Variants in DYSF observed in about 807,000 individuals in gnomAD.
DYSF encodes dysferlin.
In DYSF, 212 loss-of-function variants were observed where a neutral mutation model predicts 274.9. That is an observed-to-expected ratio of 0.77 (90% CI 0.69 to 0.86). The LOEUF (loss-of-function observed/expected upper bound fraction) is 0.86. Among genes scored for constraint, DYSF ranks in the 40% least tolerant of loss-of-function variants. The probability of loss-of-function intolerance (pLI) is 0.00; values close to 1 mark genes in which losing one functional copy is unlikely to be tolerated. For synonymous variants in DYSF, 1,091 were observed against 1,078.7 expected, an observed-to-expected ratio of 1.01 and a Z score of -0.22; for missense variants, 2,666 against 2,783.2, an observed-to-expected ratio of 0.96 and a Z score of 0.95.
At chr2:71,604,996 C>T (rs1462178275) in intron 36 of DYSF, among the ~76,000 whole-genome samples, 1 of 152,200 alleles carries the variant, frequency 6.6e-6, no homozygotes, top group African/African-American at 2.4e-5. Context: ...TGGGACACCT[C>T]TCTCTGCAGC....
chr2:71,505,541 A>AC (rs2085395204), intron 4 of DYSF, among the ~76,000 whole-genome samples: 1 of 152,130 alleles, frequency 6.6e-6, no homozygotes, highest in African/African-American at 2.4e-5. Context: ...CTGACTGCAG[A>AC]CCCCGTTTGC....
chr2:71,483,239 T>A (rs1201090350), intron 3 of DYSF, among the ~76,000 whole-genome samples: 1 of 152,160 alleles, frequency 6.6e-6, no homozygotes, highest in Non-Finnish European at 1.5e-5. Flanking sequence ...CTCTTCCAGC[T>A]GTTGACCTCA....
At chr2:71,487,669 T>C (rs1409968492) in intron 3 of DYSF, among the ~76,000 whole-genome samples, 1 of 152,146 alleles carries the variant, frequency 6.6e-6, no homozygotes, top group Non-Finnish European at 1.5e-5. Flanking sequence ...CCATCTCACC[T>C]GGCTAGTTTT....
intron 52 of DYSF, among the ~76,000 whole-genome samples, chr2:71,677,094 G>A (rs2095235049): frequency 6.6e-6 from 1 of 152,180 alleles, no homozygotes; most frequent in Non-Finnish European, 1.5e-5. Flanking sequence ...TGAATAAGTG[G>A]ACAGACAGGT....
chr2:71,553,332 C>T, intron 20 of DYSF, 144 bp downstream of exon 20: 1 of 1,188,678 alleles, frequency 8.4e-7, no homozygotes, highest in Non-Finnish European at 1.2e-6. Context: ...CCAGCTGTCC[C>T]CTTGCTCTCC....
chr2:71,643,362 A>G (rs1423974063), intron 41 of DYSF, among the ~76,000 whole-genome samples: 2 of 152,172 alleles, frequency 1.3e-5, no homozygotes, highest in Non-Finnish European at 2.9e-5. Flanking sequence ...AATACCTCAC[A>G]TTTAGCAGTG....
At chr2:71,646,578 T>C (rs1172136366) in intron 42 of DYSF, among the ~76,000 whole-genome samples, 1 of 152,064 alleles carries the variant, frequency 6.6e-6, no homozygotes, top group Non-Finnish European at 1.5e-5. Context: ...GAGCACACAG[T>C]GGGTGCAGGA....
intron 26 of DYSF, among the ~76,000 whole-genome samples, chr2:71,569,057 G>T (rs900180465): frequency 6.6e-6 from 1 of 151,934 alleles, no homozygotes; most frequent in East Asian, 1.9e-4. Context: ...TTGTATTTTA[G>T]TAGAGACGAG....
At chr2:71,484,542 T>C (rs1292904897) in intron 3 of DYSF, among the ~76,000 whole-genome samples, 2 of 152,200 alleles carry the variant, frequency 1.3e-5, no homozygotes, top group African/African-American at 2.4e-5. Context: ...CTTTTAGTTG[T>C]TTTAAAATAT....
At chr2:71,668,918 C>T (rs768089544) in intron 49 of DYSF, 76 bp downstream of exon 49, 554 of 1,490,148 alleles carry the variant, frequency 3.7e-4, no homozygotes, top group Non-Finnish European at 4.5e-4. Context: ...CGGGACTAGG[C>T]GGTTGCTCTT....
intron 4 of DYSF, among the ~76,000 whole-genome samples, chr2:71,510,468 A>T (rs2085976341): frequency 6.6e-6 from 1 of 152,186 alleles, no homozygotes; most frequent in Non-Finnish European, 1.5e-5. Context: ...CAAGGGTCTC[A>T]GTTGCCTTTG....
rs140820963 is a variant in DYSF, at chr2:71,545,157, G to C, written c.1577-5884G>C. Among the ~76,000 whole-genome samples, 77 of 152,326 alleles carry C rather than the reference G, an allele frequency of 5.1e-4. 1 individual carries two copies. The highest frequency in any genetic ancestry group is 4.9e-3 in the Admixed American group (75 of 15,308). ...ACCGGCACGTGAGGAGTAGGAAAGA[G>C]TTCCAGGCAGAGGTGATGACATATT... On this transcript the variant is annotated intron_variant, in intron 17 of 55. Coordinates refer to ENST00000410020, the MANE Select transcript of DYSF (RefSeq NM_001130987.2).
intron 3 of DYSF, among the ~76,000 whole-genome samples, chr2:71,488,952 T>C (rs75125996): frequency 7.3e-6 from 1 of 136,740 alleles, no homozygotes; most frequent in African/African-American, 3.4e-5. Context: ...CAATGCTCCT[T>C]CTCCTCCTTC....
intron 24 of DYSF, among the ~76,000 whole-genome samples, chr2:71,565,921 A>G (rs1399831985): frequency 6.6e-6 from 1 of 152,106 alleles, no homozygotes; most frequent in African/African-American, 2.4e-5. Context: ...CCCCTGCTCT[A>G]TGCGTGCCAT....
chr2:71,526,420 G>A, intron 13 of DYSF, 74 bp downstream of exon 13: 2 of 1,328,862 alleles, frequency 1.5e-6, no homozygotes, highest in Non-Finnish European at 2.1e-6. Flanking sequence ...GTGGGCGATG[G>A]CGGGCGGGGT....
rs1186182188 is a variant in DYSF at position 71,601,512 on chromosome 2, ATAT to A, written c.3913_3915del (p.Ile1305del). On this transcript the variant is annotated inframe_deletion, in exon 35 of 56. Transcript: ENST00000410020. ...TCTTCACTCCAGCCGGCCATCCACC[ATAT>A]TCCTGGTTTTGAGGTAAGTCTTGCT... 1 of 1,614,170 alleles carries A rather than the reference ATAT, an allele frequency of 6.2e-7. No homozygotes were observed. The highest frequency in any genetic ancestry group is 1.7e-5 in the Admixed American group (1 of 60,028).
intron 45 of DYSF, 133 bp from the exon 46 acceptor site, chr2:71,664,135 G>A: frequency 9.4e-7 from 1 of 1,064,218 alleles, no homozygotes; most frequent in African/African-American, 1.6e-5. Context: ...TGCTGTGGGT[G>A]GTTGGGCCTG....
At chr2:71,485,630 T>G (rs1005038180) in intron 3 of DYSF, among the ~76,000 whole-genome samples, 1 of 152,142 alleles carries the variant, frequency 6.6e-6, no homozygotes, top group East Asian at 1.9e-4. Flanking sequence ...CCCCACCCCA[T>G]GACCAGATGG....
At chr2:71,481,713 T>TCCATCCATCCAA (rs1276829003) in intron 2 of DYSF, among the ~76,000 whole-genome samples, 166 bp from the exon 3 acceptor site, 1 of 151,314 alleles carries the variant, frequency 6.6e-6, no homozygotes, top group African/African-American at 2.4e-5. Context: ...CATCCATCCA[T>TCCATCCATCCAA]CCATCCATCC....
Sources: gnomAD v4.1 joint callset for allele counts (sites outside exome capture counted in the v4.1 genomes callset) on GRCh38, gnomAD v4.1.1 for gene constraint, MANE v1.5 for transcripts, NCBI Gene and HGNC (gene_info 2026-07-23, HGNC 2026-07-21) for gene names.